Variants in TLN2 observed in about 807,000 individuals in gnomAD.
TLN2 encodes talin-2.
TLN2 carries 118 observed loss-of-function variants against 294.7 expected under a neutral mutation model. That is an observed-to-expected ratio of 0.40 (90% confidence interval 0.34 to 0.47). The LOEUF (loss-of-function observed/expected upper bound fraction) is 0.47. Among genes scored for constraint, TLN2 ranks in the 20% least tolerant of loss-of-function variants. TLN2 has a pLI of 0.84. For missense variants in TLN2, 3,083 were observed against 3,282.2 expected, an observed-to-expected ratio of 0.94 and a Z score of 1.48; for synonymous variants, 1,431 against 1,304.5, an observed-to-expected ratio of 1.10 and a Z score of -2.09.
intron 39 of TLN2, among the ~76,000 whole-genome samples, chr15:62,763,040 T>C (rs964352205): frequency 3.0e-4 from 46 of 152,210 alleles, no homozygotes; most frequent in Non-Finnish European, 2.2e-4. Flanking sequence ...TCCTTAATTA[T>C]ATTTTGCTTC....
intron 12 of TLN2, 90 bp downstream of exon 12, chr15:62,686,886 G>T (rs1224863015): frequency 2.6e-6 from 4 of 1,518,824 alleles, no homozygotes; most frequent in Non-Finnish European, 2.7e-6. Context: ...TGCCCATTGG[G>T]TTTCTCTGGC....
At chr15:62,778,345 A>T (rs1179682367) in intron 43 of TLN2, among the ~76,000 whole-genome samples, 1 of 152,208 alleles carries the variant, frequency 6.6e-6, no homozygotes, top group Non-Finnish European at 1.5e-5. Context: ...GATAAGTCTC[A>T]GTAGATTTGT....
chr15:62,544,816 G>C (rs1469833864), intron 1 of TLN2, among the ~76,000 whole-genome samples: 1 of 151,876 alleles, frequency 6.6e-6, no homozygotes, highest in African/African-American at 2.4e-5. Flanking sequence ...GTAAGAGATG[G>C]TGTCAGGATT....
intron 1 of TLN2, among the ~76,000 whole-genome samples, chr15:62,565,047 T>C (rs1567108731): frequency 6.6e-6 from 1 of 151,860 alleles, no homozygotes. Flanking sequence ...CAGGAGCTGC[T>C]AATTTGTGCT....
chr15:62,498,153 CAAAAAA>C (rs538951284), intron 1 of TLN2, among the ~76,000 whole-genome samples: 3 of 93,384 alleles, frequency 3.2e-5, no homozygotes, highest in African/African-American at 6.9e-5. Flanking sequence ...GACCCTGCCT[CAAAAAA>C]AAAAAAAAAA....
At position 62,844,140 on chromosome 15, in the gene TLN2, G is replaced by A. The variant is rs1045795384; in HGVS notation, c.*3530G>A. The A allele has an allele frequency of 6.6e-6, 1 of 152,168 alleles. No individual in the cohort carries two copies. The highest frequency in any genetic ancestry group is 2.4e-5 in the African/African-American group (1 of 41,426). The allele number at this position is 152,168 out of a possible 1,614,324, so 9.4% of individuals were successfully genotyped here. On this transcript the variant is annotated 3_prime_UTR_variant, in exon 59 of 59. Coordinates refer to ENST00000636159, the MANE Select transcript of TLN2 (RefSeq NM_015059.3). ...AAAGATCTTGACAACTGTGCCAGTA[G>A]TGGCTCTGGTCCTATCTCTCCACAG...
intron 21 of TLN2, among the ~76,000 whole-genome samples, chr15:62,709,252 A>C (rs2059268220): frequency 6.6e-6 from 1 of 152,206 alleles, no homozygotes; most frequent in African/African-American, 2.4e-5. Flanking sequence ...GGGAGGGCCT[A>C]GACCATGGCC....
rs147403533 is a variant in TLN2 at position 62,709,186 on chromosome 15, C to T, written c.2467+390C>T. 1.6e-3 allele frequency among the ~76,000 whole-genome samples: 240 copies of T among 152,246 alleles called. 2 individuals carry two copies. The highest frequency in any genetic ancestry group is 2.7e-3 in the Non-Finnish European group (183 of 68,016). ...GTCCCCTGGAGGGCTCACCACATGC[C>T]GCACAGGGTCATGGGAGAGCACCGG... On this transcript the variant is annotated intron_variant, in intron 21 of 58. Transcript: ENST00000636159.
rs2058452348 is a variant in TLN2, at chr15:62,697,802, C to T, written c.1407C>T (p.Gly469=). ...GSSGPETFNV[G]SMPSPQQQVM... Reference sequence around the variant, plus strand: ...GCGGGCCTGAGACCTTCAACGTTGGCAGCATGCCCTCGCCACAGCAGCAGG... The same window carrying T: ...GCGGGCCTGAGACCTTCAACGTTGGTAGCATGCCCTCGCCACAGCAGCAGG... Residue 469 remains glycine, a synonymous_variant, in exon 15 of 59, where the codon GGC becomes GGT. Coordinates refer to ENST00000636159, the MANE Select transcript of TLN2 (RefSeq NM_015059.3). 2.5e-6 allele frequency: 4 copies of T among 1,613,034 alleles called. No homozygotes were observed. The East Asian group carries it at 8.9e-5, about 36-fold the overall frequency.
intron 32 of TLN2, among the ~76,000 whole-genome samples, chr15:62,745,806 C>T (rs1169490088): frequency 6.6e-6 from 1 of 152,206 alleles, no homozygotes; most frequent in African/African-American, 2.4e-5. Context: ...ATTTACATAA[C>T]CGTTTGCCTC....
In TLN2 at chr15:62,722,429, G is replaced by A. The variant is rs771100434; in HGVS notation, c.3068G>A (p.Ser1023Asn). ...GACCAGGCCGCAGCCATGCAGCTGA[G>A]CCAGTGTGCCAAGAACCTGGCCACC... ...VSDQAAAMQL[S>N]QCAKNLATSL... The change falls in exon 26 of 59, where the codon AGC becomes AAC. Residue 1023 changes from serine (S) to asparagine (N), a missense_variant. Ser to Asn is a conservative substitution (Grantham distance 46, BLOSUM62 1). Coordinates refer to ENST00000636159, the MANE Select transcript of TLN2 (RefSeq NM_015059.3). 1.9e-6 allele frequency: 3 copies of A among 1,613,326 alleles called. No homozygotes were observed. In the South Asian group the frequency reaches 3.3e-5, roughly 18 times the overall value.
At chr15:62,576,307 A>G (rs1387679038) in intron 1 of TLN2, among the ~76,000 whole-genome samples, 2 of 152,196 alleles carry the variant, frequency 1.3e-5, no homozygotes, top group Non-Finnish European at 2.9e-5. Flanking sequence ...GCTGTATTCA[A>G]ATAATATCAT....
chr15:62,743,166 T>C (rs1055603019), intron 32 of TLN2, among the ~76,000 whole-genome samples: 1 of 152,184 alleles, frequency 6.6e-6, no homozygotes, highest in Non-Finnish European at 1.5e-5. Flanking sequence ...CACAGGAAGC[T>C]GGGCAGAAGG....
At chr15:62,557,643 GTGATTCTCCT>G (rs1396476778) in intron 1 of TLN2, among the ~76,000 whole-genome samples, 5 of 152,150 alleles carry the variant, frequency 3.3e-5, no homozygotes, top group Non-Finnish European at 7.3e-5. Flanking sequence ...CCGGGCTCAA[GTGATTCTCCT>G]CCCTCAGCCT....
At position 62,748,429 on chromosome 15, in the gene TLN2, C is replaced by G; in HGVS notation, c.4104C>G (p.Ala1368=). 1.2e-6 allele frequency: 2 copies of G among 1,613,642 alleles called. No individual in the cohort carries two copies. Among genetic ancestry groups the G allele is most frequent in the Non-Finnish European group, 1.7e-6 (2 of 1,179,926 alleles). The part of the protein sequence containing the change: ...QAPGQKECDN[A]LRELETVKGM... ...CGGGCCAGAAAGAGTGCGATAATGCCCTGCGGGAGCTCGAGGTAGGTCCCT... is the reference window on the plus strand; with the variant it reads ...CGGGCCAGAAAGAGTGCGATAATGCGCTGCGGGAGCTCGAGGTAGGTCCCT... The change falls in exon 33 of 59, where the codon GCC becomes GCG. Residue 1368 remains alanine, a synonymous_variant. Coordinates refer to ENST00000636159, the MANE Select transcript of TLN2 (RefSeq NM_015059.3).
intron 1 of TLN2, among the ~76,000 whole-genome samples, chr15:62,482,398 T>C (rs2038151006): frequency 1.3e-5 from 2 of 149,356 alleles, no homozygotes; most frequent in African/African-American, 4.9e-5. Flanking sequence ...AGGTCGGGAG[T>C]TTGAGACCAG....
intron 9 of TLN2, among the ~76,000 whole-genome samples, chr15:62,673,082 G>GTGTGTGTGTGTGTGTGTC (rs1567316355): frequency 6.6e-6 from 1 of 151,326 alleles, no homozygotes; most frequent in African/African-American, 2.4e-5. Context: ...TTGTGTGTGT[G>GTGTGTGTGTGTGTGTGTC]TGTGTGTGTG....
intron 1 of TLN2, among the ~76,000 whole-genome samples, chr15:62,546,824 G>C (rs911006535): frequency 2.0e-5 from 3 of 152,184 alleles, no homozygotes; most frequent in Non-Finnish European, 1.5e-5. Context: ...TTACAGACTA[G>C]AGCAATGAGG....
chr15:62,469,910 C>T (rs992328710), intron 1 of TLN2, among the ~76,000 whole-genome samples: 2 of 152,054 alleles, frequency 1.3e-5, no homozygotes, highest in African/African-American at 4.8e-5. Flanking sequence ...TCAAAATGGG[C>T]ATGGCTCTTG....
Sources: allele counts gnomAD v4.1 joint callset (sites outside exome capture counted in the v4.1 genomes callset), GRCh38; gene constraint gnomAD v4.1.1; transcripts MANE v1.5; gene names NCBI Gene and HGNC (gene_info 2026-07-23, HGNC 2026-07-21).